Variants in SPTBN1 observed in about 807,000 individuals in gnomAD.
SPTBN1 encodes the protein spectrin beta, non-erythrocytic 1, also known as spectrin beta chain, non-erythrocytic 1.
SPTBN1 carries 32 observed loss-of-function variants against 266.4 expected under a neutral mutation model. The ratio of observed to expected loss-of-function variants is 0.12; its 90% CI spans 0.09 to 0.16. SPTBN1 has a LOEUF of 0.16. Ranked by LOEUF, SPTBN1 falls within the 10% of genes least tolerant of loss-of-function variation. SPTBN1 has a pLI of 1.00. For synonymous variants in SPTBN1, 1,336 were observed against 1,162.2 expected, an observed-to-expected ratio of 1.15 and a Z score of -3.04; for missense variants, 2,296 against 3,067.1, an observed-to-expected ratio of 0.75 and a Z score of 5.94.
At chr2:54,572,399 A>G (rs377312461) in intron 2 of SPTBN1, among the ~76,000 whole-genome samples, 71 of 152,324 alleles carry the variant, frequency 4.7e-4, no homozygotes, top group South Asian at 2.5e-3. Flanking sequence ...GTGTGACCAT[A>G]AAACGAACAC....
At chr2:54,543,741 TACAATA>T (rs1405011324) in intron 2 of SPTBN1, among the ~76,000 whole-genome samples, 28 of 152,102 alleles carry the variant, frequency 1.8e-4, no homozygotes, top group African/African-American at 6.7e-4. Context: ...AATGGAAAAA[TACAATA>T]AAAATATTTT....
chr2:54,467,727 A>C (rs2103837223), intron 1 of SPTBN1, among the ~76,000 whole-genome samples: 1 of 152,166 alleles, frequency 6.6e-6, no homozygotes. Context: ...AAAAATTAAA[A>C]TAGTCTTTGT....
In SPTBN1 at chr2:54,465,639, CATATATAT is replaced by C. The variant is rs70944167; in HGVS notation, c.-48+9144_-48+9151del. ...TGATGCATACATATCATGTTTATCT[CATATATAT>C]ATATATATATATATATATATATCTC... On this transcript the variant is annotated intron_variant, in intron 1 of 35. Transcript: ENST00000356805. 3.4e-3 allele frequency among the ~76,000 whole-genome samples: 395 copies of C among 116,354 alleles called. 3 individuals are homozygous for C. Among genetic ancestry groups the C allele is most frequent in the Middle Eastern group, 7.9e-3 (2 of 254 alleles). The allele number at this position is 116,354 out of a possible 152,430, so 76.3% of individuals were successfully genotyped here.
intron 3 of SPTBN1, among the ~76,000 whole-genome samples, chr2:54,600,442 A>G (rs530699762): frequency 7.9e-5 from 12 of 151,786 alleles, no homozygotes; most frequent in African/African-American, 2.7e-4. Context: ...CAAACTAGAC[A>G]AATAACGGAG....
At chr2:54,568,349 C>CAAAAAAAAA (rs888478845) in intron 2 of SPTBN1, among the ~76,000 whole-genome samples, 6 of 95,658 alleles carry the variant, frequency 6.3e-5, no homozygotes, top group East Asian at 3.1e-4. Flanking sequence ...GACTCTGTCT[C>CAAAAAAAAA]AAAAAAAAAA....
chr2:54,581,082 A>T (rs1037992304), intron 2 of SPTBN1, among the ~76,000 whole-genome samples: 63 of 152,030 alleles, frequency 4.1e-4, no homozygotes, highest in Admixed American at 2.6e-4. Flanking sequence ...TGGGCAAAAG[A>T]GCAAGACTTA....
intron 10 of SPTBN1, among the ~76,000 whole-genome samples, chr2:54,624,367 A>G (rs1417958480): frequency 6.6e-6 from 1 of 152,248 alleles, no homozygotes; most frequent in Non-Finnish European, 1.5e-5. Context: ...ACAGTAGGTC[A>G]GGATTTTGAA....
At chr2:54,524,082 C>A (rs1297993036) in intron 1 of SPTBN1, among the ~76,000 whole-genome samples, 1 of 152,088 alleles carries the variant, frequency 6.6e-6, no homozygotes, top group Non-Finnish European at 1.5e-5. Context: ...GCCTGTAGTC[C>A]CAGCTACTCG....
intron 1 of SPTBN1, among the ~76,000 whole-genome samples, chr2:54,489,151 TAAA>T (rs66488966): frequency 0.21 from 24,734 of 115,454 alleles, 3,060 homozygotes; most frequent in East Asian, 0.36. Flanking sequence ...GGTCTGTATT[TAAA>T]AAAAAAAAAA....
intron 3 of SPTBN1, among the ~76,000 whole-genome samples, chr2:54,610,040 C>G (rs1043415088): frequency 8.8e-6 from 1 of 114,224 alleles, no homozygotes; most frequent in African/African-American, 3.5e-5. Context: ...AGGGCACTTT[C>G]GTCTGCATTA....
chr2:54,589,558 T>G (rs1675529546), intron 2 of SPTBN1, among the ~76,000 whole-genome samples: 1 of 152,250 alleles, frequency 6.6e-6, no homozygotes, highest in Admixed American at 6.5e-5. Context: ...CACATGCATT[T>G]AGAGCAAATA....
chr2:54,628,291 G>C lies in SPTBN1; in HGVS notation c.1798+41G>C. On this transcript the variant is annotated intron_variant, in intron 13 of 35. Coordinates refer to ENST00000356805, the MANE Select transcript of SPTBN1 (RefSeq NM_003128.3). This position sits in a 1 kb window ranked among gnomAD's most constrained non-coding sequence, Gnocchi z 4.3. ...TCCAAGCATTACCTCCGGGTCACCAGAGATTCATATTTATAGAAACACAGT... is the reference window on the plus strand; with the variant it reads ...TCCAAGCATTACCTCCGGGTCACCACAGATTCATATTTATAGAAACACAGT... 1 of 1,568,964 alleles carries C rather than the reference G, an allele frequency of 6.4e-7. No individual in the cohort carries two copies. The highest frequency in any genetic ancestry group is 2.3e-5 in the East Asian group (1 of 43,322).
rs746111429 is a variant in SPTBN1 at position 54,653,551 on chromosome 2, G to T, written c.5578-58G>T. On this transcript the variant is annotated intron_variant, in intron 26 of 35. Transcript: ENST00000356805. The surrounding 1 kb of genome is among the most constrained non-coding windows in gnomAD (Gnocchi z 5.1). ...TGAGCAGAACAGAATAGGGCTTGGG[G>T]TGATGGTGGGAAGGCCGCCATGGGC... 1.9e-6 allele frequency: 3 copies of T among 1,592,838 alleles called. No homozygotes were observed. In the Admixed American group the frequency reaches 5.5e-5, roughly 29 times the overall value.
chr2:54,578,104 C>T (rs919565934), intron 2 of SPTBN1, among the ~76,000 whole-genome samples: 1 of 152,106 alleles, frequency 6.6e-6, no homozygotes, highest in Non-Finnish European at 1.5e-5. Context: ...TCTGTATTTT[C>T]CCAGTATATG....
chr2:54,536,251 A>T (rs973774909), intron 2 of SPTBN1, among the ~76,000 whole-genome samples: 1 of 152,246 alleles, frequency 6.6e-6, no homozygotes, highest in African/African-American at 2.4e-5. Flanking sequence ...TATATAAGGC[A>T]CTTGTAAAGT....
intron 2 of SPTBN1, among the ~76,000 whole-genome samples, chr2:54,571,259 G>A (rs982324333): frequency 6.6e-6 from 1 of 152,076 alleles, no homozygotes; most frequent in Non-Finnish European, 1.5e-5. Flanking sequence ...CACATGGGCC[G>A]TGGATTTGCA....
intron 2 of SPTBN1, among the ~76,000 whole-genome samples, chr2:54,581,640 G>T (rs1319328304): frequency 7.1e-6 from 1 of 141,168 alleles, no homozygotes; most frequent in African/African-American, 2.8e-5. Flanking sequence ...GAGGTTGAAG[G>T]TACAGCCCAC....
intron 1 of SPTBN1, among the ~76,000 whole-genome samples, chr2:54,464,296 C>G (rs1229783799): frequency 6.6e-6 from 1 of 152,048 alleles, no homozygotes; most frequent in South Asian, 2.1e-4. Flanking sequence ...GGAACATAAT[C>G]AAATAAATTA....
rs199649049 is a variant in SPTBN1, at chr2:54,612,337, A to G, written c.474+3A>G. 1.7e-4 allele frequency: 275 copies of G among 1,610,392 alleles called. No individual in the cohort carries two copies. The highest frequency in any genetic ancestry group is 2.1e-4 in the Non-Finnish European group (248 of 1,177,710). On this transcript the variant is annotated splice_donor_region_variant and intron_variant, in intron 4 of 35. Coordinates refer to ENST00000356805, the MANE Select transcript of SPTBN1 (RefSeq NM_003128.3). Reference sequence around the variant, plus strand: ...GGACCATCATCCTGCGCTTCCAGGTAAGGGTCTCTGCCCAGGGTTGCTCAG... The same window carrying G: ...GGACCATCATCCTGCGCTTCCAGGTGAGGGTCTCTGCCCAGGGTTGCTCAG...
Sources: allele counts gnomAD v4.1 joint callset (sites outside exome capture counted in the v4.1 genomes callset), GRCh38; gene constraint gnomAD v4.1.1; non-coding constraint Gnocchi (gnomAD v3.1); transcripts MANE v1.5; gene names NCBI Gene and HGNC (gene_info 2026-07-23, HGNC 2026-07-21).